The following CDK2AP1 variants were observed in gnomAD, a reference collection of about 807,000 sequenced individuals.
CDK2AP1 encodes the protein cyclin dependent kinase 2 associated protein 1.
Under a neutral mutation model 14.1 loss-of-function variants are expected in CDK2AP1, and 10 were observed. The observed-to-expected ratio is 0.71, with a 90% CI of 0.44 to 1.20. The LOEUF (loss-of-function observed/expected upper bound fraction) is 1.20. CDK2AP1 is among the 50% of genes most tolerant of loss of function. The pLI, the probability that CDK2AP1 is intolerant of heterozygous loss-of-function variation, is 0.00. For missense variants in CDK2AP1, 102 were observed against 149.9 expected, an observed-to-expected ratio of 0.68 and a Z score of 1.67; for synonymous variants, 59 against 59.8, an observed-to-expected ratio of 0.99 and a Z score of 0.06.
intron 1 of CDK2AP1, among the ~76,000 whole-genome samples, chr12:123,269,648 C>A (rs866160534): frequency 2.0e-5 from 3 of 151,752 alleles, no homozygotes; most frequent in African/African-American, 7.3e-5. Context: ...GGGGAGCTGG[C>A]GGCCTTCCCG....
intron 1 of CDK2AP1, among the ~76,000 whole-genome samples, chr12:123,268,945 C>A (rs10846491): frequency 6.6e-6 from 1 of 152,006 alleles, no homozygotes; most frequent in East Asian, 1.9e-4. Flanking sequence ...TCTCTGGCTC[C>A]AGGGCCAGTC....
intron 1 of CDK2AP1, chr12:123,270,314 C>T: frequency 6.5e-6 from 2 of 305,778 alleles, no homozygotes; most frequent in Non-Finnish European, 9.6e-6. Context: ...CGCACCCTGA[C>T]GCTTAACCCT....
At position 123,265,978 on chromosome 12, in the gene CDK2AP1, AC is replaced by A. The variant is rs1165338256; in HGVS notation, c.154-657del. Among the ~76,000 whole-genome samples the A allele has an allele frequency of 6.7e-6, 1 of 150,342 alleles. No homozygotes were observed. The highest frequency in any genetic ancestry group is 1.5e-5 in the Non-Finnish European group (1 of 67,622). On this transcript the variant is annotated intron_variant, in intron 2 of 3. Coordinates refer to ENST00000261692, the MANE Select transcript of CDK2AP1 (RefSeq NM_004642.4). This position sits in a 1 kb window ranked among gnomAD's most constrained non-coding sequence, Gnocchi z 5.3. ...CTCATCCTCCCACCAACAGGGCCCA[AC>A]CCCCAGAAAACCTTTCCTCCCACCA...
rs1222264896 is a variant in CDK2AP1, at chr12:123,261,199, CTT to C, written c.*535_*536del. On this transcript the variant is annotated 3_prime_UTR_variant, in exon 4 of 4. Coordinates refer to ENST00000261692, the MANE Select transcript of CDK2AP1 (RefSeq NM_004642.4). ...GTTGCTCTTTCTTCTGTATTTATAA[CTT>C]GTGCATTTTTAAAAATTGACTTTGA... 6.6e-6 allele frequency: 1 copy of C among 152,664 alleles called. No homozygotes were observed. The highest frequency in any genetic ancestry group is 1.5e-5 in the Non-Finnish European group (1 of 68,344). The allele number at this position is 152,664 out of a possible 1,614,324, so 9.5% of individuals were successfully genotyped here.
chr12:123,264,729 G>A (rs2048271248), intron 3 of CDK2AP1, among the ~76,000 whole-genome samples: 1 of 152,008 alleles, frequency 6.6e-6, no homozygotes, highest in Non-Finnish European at 1.5e-5. Context: ...AGTGCTCTCA[G>A]CCTCCCTCCC....
chr12:123,270,145 G>A (rs2048340682), intron 1 of CDK2AP1: 3 of 922,552 alleles, frequency 3.3e-6, no homozygotes, highest in Non-Finnish European at 3.9e-6. Flanking sequence ...CCTCCCCACA[G>A]GCCAGAGGAA....
At chr12:123,267,556 C>G (rs954819459) in intron 1 of CDK2AP1, 3 of 398,640 alleles carry the variant, frequency 7.5e-6, no homozygotes, top group Non-Finnish European at 1.4e-5. Context: ...AGGGCTGCTC[C>G]CAAAGATAAA....
chr12:123,270,404 C>G (rs1425969798), intron 1 of CDK2AP1, among the ~76,000 whole-genome samples: 2 of 152,030 alleles, frequency 1.3e-5, no homozygotes, highest in Non-Finnish European at 2.9e-5. Flanking sequence ...TGGGGGGTTA[C>G]GAGGTCAACG....
At chr12:123,270,287 C>CA in intron 1 of CDK2AP1, 4 of 518,594 alleles carry the variant, frequency 7.7e-6, no homozygotes, top group Non-Finnish European at 9.9e-6. Context: ...CACAAGTGAG[C>CA]AATTCAACTC....
intron 1 of CDK2AP1, 42 bp from the exon 2 acceptor site, chr12:123,267,324 G>A: frequency 7.9e-7 from 1 of 1,268,578 alleles, no homozygotes; most frequent in Non-Finnish European, 1.2e-6. Flanking sequence ...AGCTCAGCCA[G>A]TTGTACCAAG....
chr12:123,263,935 T>C lies in CDK2AP1; in HGVS notation c.280+1261A>G, dbSNP rs561315304. ...CCTGGCCAACCAACATGGCGAAACC[T>C]GGTCTCTACTAAAAATACAAAAATT... is the stretch of plus-strand genomic sequence containing the variant. On this transcript the variant is annotated intron_variant, in intron 3 of 3. Transcript: ENST00000261692. 9.8e-4 allele frequency among the ~76,000 whole-genome samples: 149 copies of C among 151,710 alleles called. 2 individuals are homozygous for C. Among genetic ancestry groups the C allele is most frequent in the Middle Eastern group, 3.4e-3 (1 of 292 alleles).
chr12:123,269,983 A>G (rs1433339150), intron 1 of CDK2AP1, among the ~76,000 whole-genome samples: 1 of 152,198 alleles, frequency 6.6e-6, no homozygotes, highest in Non-Finnish European at 1.5e-5. Context: ...GTACAGGTCC[A>G]GCCAGCCCAG....
chr12:123,266,235 C>T (rs569014579), intron 2 of CDK2AP1, among the ~76,000 whole-genome samples: 3 of 152,360 alleles, frequency 2.0e-5, no homozygotes, highest in South Asian at 2.1e-4. Context: ...TGCCTCCCCA[C>T]GGCACTGCCT....
rs575429530 is a variant in CDK2AP1, at chr12:123,266,358, C to T, written c.153+827G>A. 5.2e-5 allele frequency among the ~76,000 whole-genome samples: 8 copies of T among 152,384 alleles called. No homozygotes were observed. In the South Asian group the frequency reaches 1.0e-3, roughly 20 times the overall value. On this transcript the variant is annotated intron_variant, in intron 2 of 3. Transcript: ENST00000261692. ...TGGCCTCCCACAGCCACCGCTTCTTCAGCCGGTCCCGCTCACAGGCCCACA... is the reference window on the plus strand; with the variant it reads ...TGGCCTCCCACAGCCACCGCTTCTTTAGCCGGTCCCGCTCACAGGCCCACA...
Position 123,268,682 on chromosome 12 carries a change from T to A in CDK2AP1, c.56-1400A>T, listed in dbSNP as rs368200197. Among the ~76,000 whole-genome samples the A allele has an allele frequency of 3.2e-4, 49 of 152,256 alleles. 1 individual carries two copies. Among genetic ancestry groups the A allele is most frequent in the African/African-American group, 1.1e-3 (46 of 41,554 alleles). On this transcript the variant is annotated intron_variant, in intron 1 of 3. Transcript: ENST00000261692. ...AGTTTCCACGCCTCCCACGTGGGGA[T>A]GATGAGACACATGCGGATGATGAGA...
intron 1 of CDK2AP1, chr12:123,268,192 G>A (rs527273268): frequency 9.4e-5 from 93 of 985,376 alleles, no homozygotes; most frequent in Non-Finnish European, 1.1e-4. Context: ...GCAGCTGCCC[G>A]CCTGCCGCCC....
intron 3 of CDK2AP1, among the ~76,000 whole-genome samples, chr12:123,264,849 T>G (rs1026862754): frequency 4.6e-5 from 7 of 152,116 alleles, no homozygotes; most frequent in African/African-American, 9.7e-5. Context: ...CTAGGACCAG[T>G]GTCGGCCCAC....
chr12:123,270,331 C>G (rs927789713), intron 1 of CDK2AP1: 1 of 213,804 alleles, frequency 4.7e-6, no homozygotes, highest in Non-Finnish European at 8.0e-6. Flanking sequence ...CCCTTTCCTG[C>G]CCCTACACCT....
chr12:123,266,071 G>A (rs1336205660), intron 2 of CDK2AP1, among the ~76,000 whole-genome samples: 3 of 151,972 alleles, frequency 2.0e-5, no homozygotes, highest in Admixed American at 6.6e-5. Flanking sequence ...CCACAAGCCC[G>A]CAAGCCCACA....
Sources: gnomAD v4.1 joint callset for allele counts (sites outside exome capture counted in the v4.1 genomes callset) on GRCh38, gnomAD v4.1.1 for gene constraint, Gnocchi (gnomAD v3.1) non-coding constraint, MANE v1.5 for transcripts, NCBI Gene and HGNC (gene_info 2026-07-23, HGNC 2026-07-21) for gene names.